The following NTRK3 variants were observed in gnomAD, a reference collection of about 807,000 sequenced individuals.
NTRK3 encodes neurotrophic receptor tyrosine kinase 3, also known as NT-3 growth factor receptor.
Under a neutral mutation model 91.7 loss-of-function variants are expected in NTRK3, and 24 were observed. The observed-to-expected ratio is 0.26, with a 90% CI of 0.19 to 0.37. The LOEUF (loss-of-function observed/expected upper bound fraction) is 0.37, where lower values mean the gene tolerates loss of function less well. Ranked by LOEUF, NTRK3 falls within the 10% of genes least tolerant of loss-of-function variation. NTRK3 has a pLI of 1.00. For missense variants in NTRK3, 880 were observed against 1,068.9 expected (o/e 0.82, Z 2.46); for synonymous variants, 483 against 404.0 (o/e 1.20, Z -2.34).
At chr15:88,075,891 G>A (rs553549707) in intron 13 of NTRK3, among the ~76,000 whole-genome samples, 45 of 152,240 alleles carry the variant, frequency 3.0e-4, no homozygotes, top group African/African-American at 5.3e-4. Flanking sequence ...CCTCACCTGC[G>A]AAATAAGGAT....
chr15:88,013,666 G>A (rs2077036245), intron 14 of NTRK3, among the ~76,000 whole-genome samples: 1 of 152,180 alleles, frequency 6.6e-6, no homozygotes, highest in Admixed American at 6.5e-5. Context: ...GATCCTTCAA[G>A]TGCAGACAAC....
intron 14 of NTRK3, among the ~76,000 whole-genome samples, chr15:88,023,993 C>T (rs561343372): frequency 6.6e-6 from 1 of 152,342 alleles, no homozygotes; most frequent in South Asian, 2.1e-4. Context: ...CCCATCATTA[C>T]CCTACGCTAA....
intron 17 of NTRK3, among the ~76,000 whole-genome samples, chr15:87,917,356 G>A (rs1441790627): frequency 1.3e-5 from 2 of 152,194 alleles, no homozygotes; most frequent in African/African-American, 2.4e-5. Flanking sequence ...GGAATAGAGT[G>A]AGCAAACCAT....
At chr15:88,124,704 G>T (rs142587945) in intron 13 of NTRK3, among the ~76,000 whole-genome samples, 2 of 152,292 alleles carry the variant, frequency 1.3e-5, no homozygotes, top group South Asian at 2.1e-4. Flanking sequence ...TCATCTTCTA[G>T]ATCTAGAAAG....
intron 6 of NTRK3, among the ~76,000 whole-genome samples, chr15:88,140,696 T>C (rs1023957495): frequency 2.6e-5 from 4 of 152,218 alleles, no homozygotes; most frequent in African/African-American, 9.6e-5. Flanking sequence ...AACTCCACGG[T>C]ATGCTCATGA....
chr15:88,163,741 T>C (rs2044678268), intron 5 of NTRK3, among the ~76,000 whole-genome samples: 1 of 152,304 alleles, frequency 6.6e-6, no homozygotes, highest in Non-Finnish European at 1.5e-5. Context: ...ATTCATTGTA[T>C]TAATTACTAG....
At chr15:88,126,756 G>A (rs1481057749) in intron 12 of NTRK3, among the ~76,000 whole-genome samples, 1 of 152,134 alleles carries the variant, frequency 6.6e-6, no homozygotes, top group African/African-American at 2.4e-5. Flanking sequence ...AAAAGATCTG[G>A]ATTCTAAAAA....
intron 14 of NTRK3, among the ~76,000 whole-genome samples, chr15:87,997,773 A>C (rs1378393850): frequency 6.6e-6 from 1 of 152,170 alleles, no homozygotes; most frequent in Non-Finnish European, 1.5e-5. Flanking sequence ...TGCCATAGGC[A>C]CTTAGATAAC....
chr15:87,906,634 C>G (rs1359366763), intron 17 of NTRK3, among the ~76,000 whole-genome samples: 1 of 152,192 alleles, frequency 6.6e-6, no homozygotes, highest in Non-Finnish European at 1.5e-5. Context: ...TTCATCCATA[C>G]AGTAAGTTTT....
At chr15:88,038,837 C>T (rs2079318100) in intron 13 of NTRK3, among the ~76,000 whole-genome samples, 1 of 151,840 alleles carries the variant, frequency 6.6e-6, no homozygotes. Context: ...AGAGAGACAC[C>T]AACATGTTAC....
chr15:88,223,507 C>T (rs556053244), intron 3 of NTRK3, among the ~76,000 whole-genome samples: 53 of 152,356 alleles, frequency 3.5e-4, no homozygotes, highest in Middle Eastern at 3.4e-3. Context: ...CCAGAGACTG[C>T]GGAGCAGGGC....
At chr15:88,183,340 A>G in intron 5 of NTRK3, 78 bp downstream of exon 5, 1 of 1,476,364 alleles carries the variant, frequency 6.8e-7, no homozygotes, top group South Asian at 1.1e-5. Flanking sequence ...AGCCAGGTCT[A>G]GACCTCAGGT....
intron 13 of NTRK3, among the ~76,000 whole-genome samples, chr15:88,085,252 T>A (rs1336016892): frequency 6.6e-6 from 1 of 152,162 alleles, no homozygotes; most frequent in Non-Finnish European, 1.5e-5. Flanking sequence ...GAAACCATAT[T>A]TTAGAGTAAT....
At chr15:87,926,329 G>C (rs1168588052) in intron 17 of NTRK3, among the ~76,000 whole-genome samples, 1 of 152,142 alleles carries the variant, frequency 6.6e-6, no homozygotes, top group African/African-American at 2.4e-5. Context: ...GCCACAAGCT[G>C]GTCTTTAAAT....
chr15:88,079,792 C>T (rs2150627461), intron 13 of NTRK3, among the ~76,000 whole-genome samples: 1 of 152,164 alleles, frequency 6.6e-6, no homozygotes, highest in South Asian at 2.1e-4. Flanking sequence ...TGCATTAAAT[C>T]CCTAACTTGA....
At chr15:88,139,062 C>G (rs943272683) in intron 6 of NTRK3, among the ~76,000 whole-genome samples, 3 of 152,316 alleles carry the variant, frequency 2.0e-5, no homozygotes, top group African/African-American at 7.2e-5. Context: ...CCATAATTGG[C>G]CATGGGCTGA....
intron 13 of NTRK3, among the ~76,000 whole-genome samples, chr15:88,038,747 CCA>C (rs1455313524): frequency 6.6e-6 from 1 of 152,082 alleles, no homozygotes; most frequent in East Asian, 1.9e-4. Flanking sequence ...AAAAAAAAGT[CCA>C]GTCTCCCCAC....
chr15:87,934,896 A>G (rs1596312108), intron 15 of NTRK3, among the ~76,000 whole-genome samples: 1 of 152,218 alleles, frequency 6.6e-6, no homozygotes, highest in South Asian at 2.1e-4. Context: ...TTCAACTTCA[A>G]CCAGCACCAC....
At chr15:88,057,026 G>A (rs966619847) in intron 13 of NTRK3, among the ~76,000 whole-genome samples, 8 of 151,364 alleles carry the variant, frequency 5.3e-5, no homozygotes, top group East Asian at 3.9e-4. Context: ...AAAATTAGCC[G>A]GGCATGGTGG....
Sources: gnomAD v4.1 joint callset for allele counts (sites outside exome capture counted in the v4.1 genomes callset) on GRCh38, gnomAD v4.1.1 for gene constraint, MANE v1.5 for transcripts, NCBI Gene and HGNC (gene_info 2026-07-23, HGNC 2026-07-21) for gene names.